GPC5: variants seen among roughly 807,000 people sequenced by gnomAD.
The protein encoded by GPC5 is glypican-5.
Under a neutral mutation model 53.9 loss-of-function variants are expected in GPC5, and 47 were observed. The ratio of observed to expected loss-of-function variants is 0.87; its 90% confidence interval spans 0.69 to 1.11. The LOEUF (loss-of-function observed/expected upper bound fraction) is 1.11, where lower values mean the gene tolerates loss of function less well. Ranked by LOEUF, GPC5 falls within the 50% of genes most tolerant of loss-of-function variation. The probability of loss-of-function intolerance (pLI) is 0.00; values close to 1 mark genes in which losing one functional copy is unlikely to be tolerated. For missense variants in GPC5, 748 were observed against 713.1 expected (o/e 1.05, Z -0.56); for synonymous variants, 286 against 263.3 (o/e 1.09, Z -0.84).
intron 7 of GPC5, among the ~76,000 whole-genome samples, chr13:92,615,839 G>C (rs1193432137): frequency 6.6e-6 from 1 of 152,100 alleles, no homozygotes; most frequent in African/African-American, 2.4e-5. Flanking sequence ...TGGATCACGA[G>C]GTCAGGAGAT....
chr13:91,417,073 G>C (rs192963581), intron 1 of GPC5, among the ~76,000 whole-genome samples: 6 of 152,274 alleles, frequency 3.9e-5, no homozygotes, highest in African/African-American at 1.2e-4. Flanking sequence ...GGAGCAGAGG[G>C]GGGGAGTATT....
At chr13:91,533,314 A>G (rs891559230) in intron 2 of GPC5, among the ~76,000 whole-genome samples, 2 of 152,214 alleles carry the variant, frequency 1.3e-5, no homozygotes, top group Non-Finnish European at 2.9e-5. Flanking sequence ...AAGGAGTGTT[A>G]TAATCATTGG....
chr13:92,152,531 G>C (rs951204774), intron 7 of GPC5, among the ~76,000 whole-genome samples: 1 of 152,060 alleles, frequency 6.6e-6, no homozygotes, highest in African/African-American at 2.4e-5. Context: ...ATAAAGGAAT[G>C]TTTGATAAAA....
chr13:92,790,116 G>C (rs150946653), intron 7 of GPC5, among the ~76,000 whole-genome samples: 172 of 152,240 alleles, frequency 1.1e-3, no homozygotes, highest in African/African-American at 4.0e-3. Context: ...ACTGGCAGCT[G>C]ATTTGATGGT....
At chr13:91,831,264 G>C (rs1433117544) in intron 5 of GPC5, among the ~76,000 whole-genome samples, 1 of 151,396 alleles carries the variant, frequency 6.6e-6, no homozygotes, top group African/African-American at 2.4e-5. Flanking sequence ...TCCAGCATGA[G>C]AGAAAGATGC....
intron 2 of GPC5, among the ~76,000 whole-genome samples, chr13:91,461,270 A>G (rs1424688802): frequency 2.6e-5 from 4 of 152,204 alleles, no homozygotes; most frequent in Non-Finnish European, 5.9e-5. Flanking sequence ...TAGGAAACAT[A>G]TTCAATATTA....
At chr13:91,903,235 G>A (rs1295997264) in intron 5 of GPC5, among the ~76,000 whole-genome samples, 3 of 151,910 alleles carry the variant, frequency 2.0e-5, no homozygotes, top group Admixed American at 6.6e-5. Context: ...TAGTTTATAA[G>A]ATTTGTCAAT....
At chr13:91,404,105 G>A (rs950893120) in intron 1 of GPC5, among the ~76,000 whole-genome samples, 3 of 152,150 alleles carry the variant, frequency 2.0e-5, no homozygotes, top group African/African-American at 7.2e-5. Context: ...AGCCTGTTAA[G>A]GCTTTCCGGA....
At chr13:92,596,298 C>T (rs1311365258) in intron 7 of GPC5, among the ~76,000 whole-genome samples, 1 of 151,686 alleles carries the variant, frequency 6.6e-6, no homozygotes. Context: ...GATGTAAACA[C>T]AAAATAAAGT....
chr13:92,597,219 C>T (rs763354887), intron 7 of GPC5, among the ~76,000 whole-genome samples: 5 of 152,064 alleles, frequency 3.3e-5, no homozygotes, highest in Non-Finnish European at 5.9e-5. Flanking sequence ...ATATCTCAAC[C>T]ATCCACATCC....
chr13:91,834,948 A>C (rs532863852), intron 5 of GPC5, among the ~76,000 whole-genome samples: 12 of 152,344 alleles, frequency 7.9e-5, no homozygotes, highest in Non-Finnish European at 1.6e-4. Context: ...CTTTCATCAG[A>C]GTGAACAGGC....
At chr13:91,584,728 C>T (rs1007858302) in intron 2 of GPC5, among the ~76,000 whole-genome samples, 2 of 151,970 alleles carry the variant, frequency 1.3e-5, no homozygotes, top group Non-Finnish European at 1.5e-5. Flanking sequence ...TACAGGTGCC[C>T]ACCACCATGC....
At chr13:92,114,529 C>G (rs77892847) in intron 6 of GPC5, among the ~76,000 whole-genome samples, 2 of 152,076 alleles carry the variant, frequency 1.3e-5, no homozygotes, top group Non-Finnish European at 2.9e-5. Context: ...ATAAATTGCT[C>G]CTAGAGTAAT....
intron 4 of GPC5, among the ~76,000 whole-genome samples, chr13:91,752,165 G>A (rs562620440): frequency 2.6e-5 from 4 of 152,196 alleles, no homozygotes; most frequent in African/African-American, 9.6e-5. Flanking sequence ...TATTGGATTA[G>A]CATCTACCCA....
chr13:92,836,228 CTT>C (rs956497409), intron 7 of GPC5, among the ~76,000 whole-genome samples: 7 of 151,950 alleles, frequency 4.6e-5, no homozygotes, highest in Admixed American at 1.3e-4. Flanking sequence ...ATATTGTCCT[CTT>C]ATCACTAGAC....
intron 7 of GPC5, among the ~76,000 whole-genome samples, chr13:92,844,931 C>A (rs1464125326): frequency 6.6e-6 from 1 of 152,070 alleles, no homozygotes; most frequent in Non-Finnish European, 1.5e-5. Context: ...TATTCTCTGT[C>A]CACACTGCTC....
intron 7 of GPC5, among the ~76,000 whole-genome samples, chr13:92,398,246 G>A (rs575847873): frequency 1.3e-4 from 20 of 151,002 alleles, no homozygotes; most frequent in Admixed American, 2.6e-4. Flanking sequence ...CGGCTAAAAC[G>A]GTGAAACCCC....
chr13:91,563,900 T>G (rs2031406133), intron 2 of GPC5, among the ~76,000 whole-genome samples: 1 of 152,082 alleles, frequency 6.6e-6, no homozygotes, highest in Non-Finnish European at 1.5e-5. Context: ...GAGGAGGGTC[T>G]TACTAGTGTT....
chr13:91,400,079 G>A (rs1876821638), intron 1 of GPC5, among the ~76,000 whole-genome samples: 9 of 152,158 alleles, frequency 5.9e-5, no homozygotes, highest in Admixed American at 5.9e-4. Context: ...ATAGGTCATA[G>A]CTGTCAAACG....
Sources: allele counts gnomAD v4.1 joint callset (sites outside exome capture counted in the v4.1 genomes callset), GRCh38; gene constraint gnomAD v4.1.1; transcripts MANE v1.5; gene names NCBI Gene and HGNC (gene_info 2026-07-23, HGNC 2026-07-21).